The following NRXN3 variants were observed in gnomAD, a reference collection of about 807,000 sequenced individuals.
NRXN3 encodes the protein neurexin III.
NRXN3 carries 32 observed loss-of-function variants against 137.6 expected under a neutral mutation model. The observed-to-expected ratio is 0.23, with a 90% CI of 0.18 to 0.31. The LOEUF is 0.31. Ranked by LOEUF, NRXN3 falls within the 10% of genes least tolerant of loss-of-function variation. NRXN3 has a pLI of 1.00. For synonymous variants in NRXN3, 798 were observed against 784.5 expected (o/e 1.02, Z -0.29); for missense variants, 1,574 against 2,062.5 (o/e 0.76, Z 4.59).
chr14:78,437,808 T>A (rs1416637439), intron 4 of NRXN3, among the ~76,000 whole-genome samples: 1 of 152,170 alleles, frequency 6.6e-6, no homozygotes, highest in African/African-American at 2.4e-5. Context: ...TTAATAAATT[T>A]CCCAGGTGAT....
intron 4 of NRXN3, among the ~76,000 whole-genome samples, chr14:78,629,841 A>C (rs148121056): frequency 3.3e-4 from 50 of 152,378 alleles, no homozygotes; most frequent in African/African-American, 1.1e-3. Flanking sequence ...GACTTTAAAA[A>C]GTATTATACC....
chr14:78,406,048 G>A (rs1013200135), intron 4 of NRXN3, among the ~76,000 whole-genome samples: 1 of 152,180 alleles, frequency 6.6e-6, no homozygotes, highest in Admixed American at 6.5e-5. Context: ...TACTTCAACT[G>A]TACTGCACAT....
At chr14:78,703,520 A>G (rs2098311934) in intron 6 of NRXN3, 1 of 152,248 alleles carries the variant, frequency 6.6e-6, no homozygotes, top group Non-Finnish European at 1.5e-5. Flanking sequence ...AGTTCATTTC[A>G]TTATTATCTA....
At chr14:79,279,953 T>A (rs2080982904) in intron 15 of NRXN3, 1 of 1,114,610 alleles carries the variant, frequency 9.0e-7, no homozygotes, top group South Asian at 2.8e-5. Flanking sequence ...AGACTCGAAG[T>A]GCCTAGAGAT....
rs2092709219 is a variant in NRXN3, at chr14:78,409,668, T to C, written c.757+111808T>C. Among the ~76,000 whole-genome samples the C allele has an allele frequency of 2.6e-5, 4 of 152,316 alleles. No homozygotes were observed. In the South Asian group the frequency reaches 8.3e-4, roughly 32 times the overall value. On this transcript the variant is annotated intron_variant, in intron 4 of 20. Coordinates refer to ENST00000335750, the MANE Select transcript of NRXN3 (RefSeq NM_001330195.2). Reference sequence around the variant, plus strand: ...GCTTCCTGATTTTTCTCAGGTTTGGTCAAGAGGCTGAAAAGCAAATAGAAT... The same window carrying C: ...GCTTCCTGATTTTTCTCAGGTTTGGCCAAGAGGCTGAAAAGCAAATAGAAT...
intron 15 of NRXN3, among the ~76,000 whole-genome samples, chr14:79,356,929 T>C (rs2093444398): frequency 6.6e-6 from 1 of 152,002 alleles, no homozygotes; most frequent in Non-Finnish European, 1.5e-5. Flanking sequence ...GAGTTTCACT[T>C]TGTGGCGAGG....
intron 4 of NRXN3, chr14:78,614,940 T>A: frequency 2.2e-6 from 1 of 456,612 alleles, no homozygotes; most frequent in Non-Finnish European, 4.4e-6. Flanking sequence ...CCTTCTTCAG[T>A]GCCCAGTTTT....
intron 15 of NRXN3, among the ~76,000 whole-genome samples, chr14:79,235,469 G>T (rs567901453): frequency 6.6e-6 from 1 of 152,248 alleles, no homozygotes; most frequent in South Asian, 2.1e-4. Context: ...TGACTTGAAA[G>T]AAGGTGCCCT....
intron 16 of NRXN3, among the ~76,000 whole-genome samples, chr14:79,661,306 T>C (rs577787275): frequency 7.2e-5 from 11 of 152,226 alleles, no homozygotes; most frequent in African/African-American, 2.2e-4. Context: ...TATTGCATAT[T>C]ATGTAATCAG....
chr14:79,753,749 T>C (rs935800051), intron 19 of NRXN3, among the ~76,000 whole-genome samples: 2 of 151,786 alleles, frequency 1.3e-5, no homozygotes, highest in African/African-American at 4.8e-5. Context: ...AAGAAATTTC[T>C]AATTGAGTTG....
chr14:78,886,339 T>A (rs1567611635), intron 10 of NRXN3, among the ~76,000 whole-genome samples: 1 of 152,136 alleles, frequency 6.6e-6, no homozygotes, highest in Non-Finnish European at 1.5e-5. Context: ...TCCATTATTG[T>A]ATATAGTGCC....
intron 15 of NRXN3, among the ~76,000 whole-genome samples, chr14:79,172,514 T>C (rs1009023620): frequency 2.0e-5 from 3 of 152,170 alleles, no homozygotes; most frequent in Non-Finnish European, 4.4e-5. Context: ...CTGGCACAGC[T>C]AAATATTGGC....
At chr14:79,272,363 A>G (rs2079485830) in intron 15 of NRXN3, among the ~76,000 whole-genome samples, 1 of 152,150 alleles carries the variant, frequency 6.6e-6, no homozygotes, top group Admixed American at 6.5e-5. Context: ...TCAATGCACC[A>G]AAGTGAAGGA....
intron 16 of NRXN3, among the ~76,000 whole-genome samples, chr14:79,637,507 G>C (rs976239138): frequency 2.6e-5 from 4 of 152,026 alleles, no homozygotes; most frequent in East Asian, 3.9e-4. Context: ...TGTAGGAAAG[G>C]GGGGAATCCT....
intron 16 of NRXN3, among the ~76,000 whole-genome samples, chr14:79,506,846 C>CTAGT (rs2096883528): frequency 6.6e-6 from 1 of 152,162 alleles, no homozygotes; most frequent in Admixed American, 6.5e-5. Flanking sequence ...TCTTCTTCCA[C>CTAGT]TAGTGAGATC....
chr14:78,882,190 G>T (rs773081502), intron 10 of NRXN3, among the ~76,000 whole-genome samples: 51 of 151,956 alleles, frequency 3.4e-4, no homozygotes, highest in South Asian at 8.3e-4. Flanking sequence ...TGCTGCAGGG[G>T]CAGAGCCCTC....
rs1349966358 is a variant in NRXN3, at chr14:78,484,017, CACACACACACAGAGAGAG to C, written c.758-161101_758-161084del. Among the ~76,000 whole-genome samples, 4 of 86,206 alleles carry C rather than the reference CACACACACACAGAGAGAG, an allele frequency of 4.6e-5. No individual in the cohort carries two copies. The East Asian group carries it at 9.9e-4, about 21-fold the overall frequency. 56.6% of individuals were successfully genotyped at this position (86,206 alleles called of 152,430 possible). A position where few individuals can be genotyped will look rare whatever the true frequency, so the allele number is the denominator to read the frequency against. On this transcript the variant is annotated intron_variant, in intron 4 of 20. Transcript: ENST00000335750. ...ACACACACACACACACACACACACACACACACACACAGAGAGAGAGAGAGAGAGAGAGCAAAAAAAGAA... is the reference window on the plus strand; with the variant it reads ...ACACACACACACACACACACACACACAGAGAGAGAGAGAGCAAAAAAAGAA...
intron 4 of NRXN3, among the ~76,000 whole-genome samples, chr14:78,612,108 G>T (rs1375406187): frequency 6.6e-6 from 1 of 152,294 alleles, no homozygotes; most frequent in Non-Finnish European, 1.5e-5. Flanking sequence ...AGGTCCAGAG[G>T]ACATCACTGA....
intron 16 of NRXN3, among the ~76,000 whole-genome samples, chr14:79,503,349 G>C (rs1428029601): frequency 6.6e-6 from 1 of 152,078 alleles, no homozygotes; most frequent in Non-Finnish European, 1.5e-5. Context: ...AGAATTTACA[G>C]ATCTTCTTGA....
Sources: allele counts gnomAD v4.1 joint callset (sites outside exome capture counted in the v4.1 genomes callset), GRCh38; gene constraint gnomAD v4.1.1; transcripts MANE v1.5; gene names NCBI Gene and HGNC (gene_info 2026-07-23, HGNC 2026-07-21).